BCAS3: variants seen among roughly 807,000 people sequenced by gnomAD.
BCAS3 encodes the protein BCAS3 microtubule associated cell migration factor, also known as BCAS4/BCAS3 fusion.
A neutral mutation model predicts 116.1 loss-of-function variants in BCAS3; 53 were observed. That is an observed-to-expected ratio of 0.46 (90% CI 0.37 to 0.57). The LOEUF (loss-of-function observed/expected upper bound fraction) is 0.57. BCAS3 is among the 20% of genes least tolerant of loss of function. The pLI is 0.00. For synonymous variants in BCAS3, 391 were observed against 408.2 expected, an observed-to-expected ratio of 0.96 and a Z score of 0.51; for missense variants, 917 against 1,165.4, an observed-to-expected ratio of 0.79 and a Z score of 3.10.
chr17:60,752,155 G>GGTGTGTGTGTGTGTGTGT, intron 6 of BCAS3, among the ~76,000 whole-genome samples: 1 of 144,678 alleles, frequency 6.9e-6, no homozygotes, highest in Non-Finnish European at 1.5e-5. Context: ...TTGGCTGAAG[G>GGTGTGTGTGTGTGTGTGT]GTGTGTGTGT....
In BCAS3 at chr17:61,028,617, G is replaced by A. The variant is rs1194362669; in HGVS notation, c.1638-6049G>A. Among the ~76,000 whole-genome samples, 1 of 151,902 alleles carries A rather than the reference G, an allele frequency of 6.6e-6. No individual in the cohort carries two copies. Among genetic ancestry groups the A allele is most frequent in the Admixed American group, 6.6e-5 (1 of 15,228 alleles). On this transcript the variant is annotated intron_variant, in intron 16 of 23. Transcript: ENST00000407086. The surrounding 1 kb of genome is among the most constrained non-coding windows in gnomAD (Gnocchi z 4.3). Reference sequence around the variant, plus strand: ...TGGAATAACAACTGTTGTATGTTAAGTAAGTAAAGTTCATTCCTTCAACAG... The same window carrying A: ...TGGAATAACAACTGTTGTATGTTAAATAAGTAAAGTTCATTCCTTCAACAG...
chr17:60,771,339 G>A (rs1170596785), intron 6 of BCAS3, among the ~76,000 whole-genome samples: 3 of 151,676 alleles, frequency 2.0e-5, no homozygotes, highest in Non-Finnish European at 2.9e-5. Flanking sequence ...GGAAATTGCC[G>A]GTATGGAGAC....
intron 22 of BCAS3, among the ~76,000 whole-genome samples, chr17:61,231,421 C>G (rs748986269): frequency 2.8e-4 from 42 of 152,008 alleles, no homozygotes; most frequent in Non-Finnish European, 3.1e-4. Context: ...ATTGCTTTAT[C>G]TCCATTTTAC....
rs1288191547 is a variant in BCAS3, at chr17:61,333,717, T to G, written c.2426-34610T>G. Among the ~76,000 whole-genome samples the G allele has an allele frequency of 2.0e-5, 3 of 150,824 alleles. No homozygotes were observed. Among genetic ancestry groups the G allele is most frequent in the Non-Finnish European group, 4.4e-5 (3 of 67,808 alleles). The stretch of plus-strand genomic sequence containing the variant: ...CTCACTGCAACCTCTGCCTCCCAGG[T>G]TCAAGCGATTCTCCTGCCTCAGCCT... On this transcript the variant is annotated intron_variant, in intron 22 of 23. Transcript: ENST00000407086. The surrounding 1 kb of genome is among the most constrained non-coding windows in gnomAD (Gnocchi z 4.8).
chr17:60,749,121 A>T (rs1467113021), intron 6 of BCAS3: 1 of 152,036 alleles, frequency 6.6e-6, no homozygotes, highest in Non-Finnish European at 1.5e-5. Context: ...AGTAATACCC[A>T]CTTTTCTCTT....
chr17:61,031,894 G>A (rs887799231), intron 16 of BCAS3, among the ~76,000 whole-genome samples: 6 of 152,042 alleles, frequency 3.9e-5, no homozygotes, highest in African/African-American at 1.4e-4. Flanking sequence ...ATTTTCTGTA[G>A]GAGATACTGA....
rs900085351 is a variant in BCAS3, at chr17:61,361,063, A to G, written c.2426-7264A>G. Among the ~76,000 whole-genome samples, 9 of 152,178 alleles carry G rather than the reference A, an allele frequency of 5.9e-5. No homozygotes were observed. Among genetic ancestry groups the G allele is most frequent in the Non-Finnish European group, 1.3e-4 (9 of 68,028 alleles). ...AGACACCATTTTCTGGAAGTATACT[A>G]TTGTTAACGACATTGAAACTATTAG... On this transcript the variant is annotated intron_variant, in intron 22 of 23. Coordinates refer to ENST00000407086, the MANE Select transcript of BCAS3 (RefSeq NM_017679.5). This position sits in a 1 kb window ranked among gnomAD's most constrained non-coding sequence, Gnocchi z 6.5.
intron 5 of BCAS3, among the ~76,000 whole-genome samples, chr17:60,722,988 C>T (rs951170463): frequency 6.6e-6 from 1 of 152,018 alleles, no homozygotes; most frequent in African/African-American, 2.4e-5. Flanking sequence ...CTGTGGTGAG[C>T]TATGATCACG....
chr17:61,071,595 C>T (rs969216406), intron 19 of BCAS3, among the ~76,000 whole-genome samples: 5 of 152,154 alleles, frequency 3.3e-5, no homozygotes, highest in African/African-American at 4.8e-5. Context: ...GGAGGAACAG[C>T]GTTCTGGCTT....
chr17:61,275,843 C>A (rs1383644336), intron 22 of BCAS3, among the ~76,000 whole-genome samples: 1 of 152,132 alleles, frequency 6.6e-6, no homozygotes, highest in Admixed American at 6.5e-5. Context: ...CCATCTTCCA[C>A]CTTCCAAATC....
chr17:60,680,854 C>T (rs1171792687), intron 2 of BCAS3, among the ~76,000 whole-genome samples: 3 of 152,076 alleles, frequency 2.0e-5, no homozygotes, highest in Non-Finnish European at 4.4e-5. Context: ...TGCCATTTGG[C>T]CAGGCTGGTC....
chr17:60,770,425 TTTTTTTTTTTTTGAGACAGAGTCTTGCC>T, intron 6 of BCAS3, among the ~76,000 whole-genome samples: 1 of 125,878 alleles, frequency 7.9e-6, no homozygotes, highest in Non-Finnish European at 1.7e-5. Flanking sequence ...TTTTTTTTTT[TTTTTTTTTTTTTGAGACAGAGTCTTGCC>T]TTGTCACCAG....
chr17:60,765,895 A>G (rs1180424085), intron 6 of BCAS3, among the ~76,000 whole-genome samples: 1 of 151,664 alleles, frequency 6.6e-6, no homozygotes, highest in African/African-American at 2.4e-5. Flanking sequence ...GTTTCATTTT[A>G]CTCTTTTTTC....
chr17:60,885,886 T>G (rs893862458), intron 9 of BCAS3, among the ~76,000 whole-genome samples: 1 of 147,724 alleles, frequency 6.8e-6, no homozygotes, highest in African/African-American at 2.6e-5. Flanking sequence ...CATTTTTTCC[T>G]TCATTTCAAT....
intron 14 of BCAS3, among the ~76,000 whole-genome samples, chr17:60,977,749 G>T (rs373791069): frequency 6.6e-6 from 1 of 150,378 alleles, no homozygotes; most frequent in Admixed American, 6.6e-5. Context: ...GAGAATATGC[G>T]TGTTTGGCTT....
intron 14 of BCAS3, among the ~76,000 whole-genome samples, chr17:60,982,332 G>A (rs557176457): frequency 1.3e-5 from 2 of 151,876 alleles, no homozygotes; most frequent in African/African-American, 4.8e-5. Flanking sequence ...ACAGATTGGG[G>A]GTCTCACTCT....
intron 6 of BCAS3, among the ~76,000 whole-genome samples, chr17:60,788,147 C>A (rs965020564): frequency 4.6e-5 from 7 of 151,976 alleles, no homozygotes; most frequent in Non-Finnish European, 1.0e-4. Flanking sequence ...AATGCAGACG[C>A]CTTTATCAAT....
intron 22 of BCAS3, among the ~76,000 whole-genome samples, chr17:61,137,523 C>A (rs1321629911): frequency 6.6e-6 from 1 of 151,962 alleles, no homozygotes; most frequent in Non-Finnish European, 1.5e-5. Flanking sequence ...AATCCCAGCA[C>A]TTTGGGAGGC....
At chr17:61,321,120 C>T (rs1452716562) in intron 22 of BCAS3, among the ~76,000 whole-genome samples, 1 of 151,992 alleles carries the variant, frequency 6.6e-6, no homozygotes, top group Non-Finnish European at 1.5e-5. Context: ...GGTCTTTTGG[C>T]CTTCTTTTTT....
Sources: allele counts gnomAD v4.1 joint callset (sites outside exome capture counted in the v4.1 genomes callset), GRCh38; gene constraint gnomAD v4.1.1; non-coding constraint Gnocchi (gnomAD v3.1); transcripts MANE v1.5; gene names NCBI Gene and HGNC (gene_info 2026-07-23, HGNC 2026-07-21).